MAGI2: variants seen among roughly 807,000 people sequenced by gnomAD.
The protein encoded by MAGI2 is membrane associated guanylate kinase, WW and PDZ domain containing 2, also known as membrane-associated guanylate kinase, WW and PDZ domain-containing protein 2.
In MAGI2, 35 loss-of-function variants were observed where a neutral mutation model predicts 133.3. That is an observed-to-expected ratio of 0.26 (90% confidence interval 0.20 to 0.35). MAGI2 has a LOEUF of 0.35. Ranked by LOEUF, MAGI2 falls within the 10% of genes least tolerant of loss-of-function variation. The pLI is 1.00. For missense variants in MAGI2, 1,636 were observed against 1,863.4 expected (o/e 0.88, Z 2.25); for synonymous variants, 729 against 710.6 (o/e 1.03, Z -0.41).
chr7:78,538,185 T>C (rs1798120031), intron 3 of MAGI2, among the ~76,000 whole-genome samples: 1 of 152,238 alleles, frequency 6.6e-6, no homozygotes, highest in African/African-American at 2.4e-5. Flanking sequence ...CATTGGTCCC[T>C]GTGGCTATTT....
intron 16 of MAGI2, among the ~76,000 whole-genome samples, chr7:78,156,899 C>T (rs1016129938): frequency 1.3e-5 from 2 of 151,820 alleles, no homozygotes; most frequent in Non-Finnish European, 2.9e-5. Context: ...TCCTTGGGCT[C>T]GGGTAAGACC....
chr7:78,924,372 A>G (rs2151641573), intron 2 of MAGI2, among the ~76,000 whole-genome samples: 1 of 152,252 alleles, frequency 6.6e-6, no homozygotes, highest in East Asian at 1.9e-4. Flanking sequence ...ACGTCCCATC[A>G]ATACCTAATT....
At chr7:79,443,078 C>T (rs926291178) in intron 1 of MAGI2, among the ~76,000 whole-genome samples, 4 of 152,028 alleles carry the variant, frequency 2.6e-5, no homozygotes, top group Non-Finnish European at 5.9e-5. Flanking sequence ...TCAAGACCAG[C>T]CTGGCCAACA....
intron 2 of MAGI2, among the ~76,000 whole-genome samples, chr7:78,848,845 T>C (rs546340593): frequency 6.6e-6 from 1 of 152,162 alleles, no homozygotes; most frequent in East Asian, 1.9e-4. Context: ...CTGTTTATTC[T>C]CTTATCTCTT....
intron 2 of MAGI2, among the ~76,000 whole-genome samples, chr7:78,801,544 C>T (rs181376740): frequency 6.6e-6 from 1 of 152,198 alleles, no homozygotes; most frequent in African/African-American, 2.4e-5. Context: ...GGAGTGTTAC[C>T]TCTGCAAACC....
chr7:78,680,901 G>A (rs1240882174), intron 2 of MAGI2, among the ~76,000 whole-genome samples: 1 of 152,106 alleles, frequency 6.6e-6, no homozygotes, highest in Admixed American at 6.6e-5. Context: ...CTTGATGGAG[G>A]CTCATGCTTA....
At chr7:78,585,434 T>C (rs1406726360) in intron 3 of MAGI2, among the ~76,000 whole-genome samples, 3 of 152,204 alleles carry the variant, frequency 2.0e-5, no homozygotes, top group African/African-American at 7.2e-5. Context: ...AACTGCAGTC[T>C]CTACCTGAGA....
chr7:78,433,984 T>G (rs970107727), intron 6 of MAGI2, among the ~76,000 whole-genome samples: 4 of 152,212 alleles, frequency 2.6e-5, no homozygotes, highest in Non-Finnish European at 5.9e-5. Flanking sequence ...TATGGTCAAG[T>G]GATTACTATG....
intron 1 of MAGI2, among the ~76,000 whole-genome samples, chr7:79,269,951 A>G (rs1278262745): frequency 1.3e-5 from 2 of 152,128 alleles, no homozygotes; most frequent in Non-Finnish European, 2.9e-5. Context: ...TCATGTGGCC[A>G]GAAGTCACAA....
At chr7:79,145,471 T>G (rs1264287401) in intron 1 of MAGI2, among the ~76,000 whole-genome samples, 3 of 151,624 alleles carry the variant, frequency 2.0e-5, no homozygotes, top group African/African-American at 7.3e-5. Flanking sequence ...CACCTACAAC[T>G]AAACAAAATG....
intron 2 of MAGI2, among the ~76,000 whole-genome samples, chr7:78,681,283 C>T (rs964797224): frequency 5.9e-5 from 9 of 152,040 alleles, no homozygotes; most frequent in Non-Finnish European, 1.2e-4. Flanking sequence ...TTTGTATATG[C>T]GGAAGGGAAA....
intron 9 of MAGI2, among the ~76,000 whole-genome samples, chr7:78,280,306 T>TG (rs1795438570): frequency 6.6e-6 from 1 of 152,002 alleles, no homozygotes; most frequent in East Asian, 1.9e-4. Context: ...GTGGGGGATG[T>TG]GGAAGGGGTG....
At chr7:78,997,104 G>A (rs1806376084) in intron 2 of MAGI2, among the ~76,000 whole-genome samples, 1 of 152,156 alleles carries the variant, frequency 6.6e-6, no homozygotes, top group South Asian at 2.1e-4. Context: ...AAGTTAAAAA[G>A]TTATTATTGA....
intron 16 of MAGI2, among the ~76,000 whole-genome samples, chr7:78,150,608 A>G: frequency 6.6e-6 from 1 of 152,208 alleles, no homozygotes; most frequent in East Asian, 1.9e-4. Context: ...CTAGTGAATA[A>G]GAAGGAGCTG....
chr7:78,095,215 G>A (rs904692804), intron 20 of MAGI2, among the ~76,000 whole-genome samples: 14 of 152,302 alleles, frequency 9.2e-5, no homozygotes, highest in African/African-American at 2.4e-4. Flanking sequence ...GCTGTCTCTC[G>A]TGAGGATGAT....
intron 1 of MAGI2, among the ~76,000 whole-genome samples, chr7:79,191,499 C>A (rs1827670057): frequency 7.4e-6 from 1 of 134,952 alleles, no homozygotes; most frequent in Non-Finnish European, 1.5e-5. Flanking sequence ...GCTTATGAAG[C>A]CTGTAACTCT....
At chr7:78,431,639 AT>A (rs548439396) in intron 6 of MAGI2, among the ~76,000 whole-genome samples, 44 of 152,228 alleles carry the variant, frequency 2.9e-4, no homozygotes, top group African/African-American at 1.1e-3. Context: ...TGATCCCAGA[AT>A]CTATGGCAAC....
At chr7:79,154,878 A>C (rs192355639) in intron 1 of MAGI2, among the ~76,000 whole-genome samples, 512 of 152,322 alleles carry the variant, frequency 3.4e-3, no homozygotes, top group Admixed American at 8.3e-3. Flanking sequence ...CAAACAAAAC[A>C]AAACAGCAAC....
chr7:78,389,916 A>G (rs955671474), intron 6 of MAGI2, among the ~76,000 whole-genome samples: 1 of 152,102 alleles, frequency 6.6e-6, no homozygotes. Context: ...ACATACGTAG[A>G]CTCTTAGTAG....
Sources: allele counts gnomAD v4.1 joint callset (sites outside exome capture counted in the v4.1 genomes callset), GRCh38; gene constraint gnomAD v4.1.1; transcripts MANE v1.5; gene names NCBI Gene and HGNC (gene_info 2026-07-23, HGNC 2026-07-21).